The following SYN3 variants were observed in gnomAD, a reference collection of about 807,000 sequenced individuals.
SYN3 encodes the protein synapsin-3.
In SYN3, 35 loss-of-function variants were observed where a neutral mutation model predicts 65.8. The observed-to-expected ratio is 0.53, with a 90% CI of 0.41 to 0.70. The LOEUF is 0.70. SYN3 is among the 30% of genes least tolerant of loss of function. The pLI is 0.00. For synonymous variants in SYN3, 270 were observed against 292.9 expected, an observed-to-expected ratio of 0.92 and a Z score of 0.80; for missense variants, 680 against 749.0, an observed-to-expected ratio of 0.91 and a Z score of 1.08.
intron 2 of SYN3, among the ~76,000 whole-genome samples, chr22:32,992,748 C>T (rs1389566852): frequency 1.3e-5 from 2 of 152,074 alleles, no homozygotes; most frequent in Admixed American, 6.6e-5. Flanking sequence ...GGGAGGCGGA[C>T]GTTGCAGTGA....
intron 1 of SYN3, among the ~76,000 whole-genome samples, chr22:33,051,505 T>C (rs989172271): frequency 6.6e-6 from 1 of 152,116 alleles, no homozygotes; most frequent in Non-Finnish European, 1.5e-5. Flanking sequence ...ATTGGGACCC[T>C]TTCTGGACAA....
intron 6 of SYN3, among the ~76,000 whole-genome samples, chr22:32,661,384 TTGAAGGAAGTGATTCAGAAACCA>T (rs1425366820): frequency 6.6e-6 from 1 of 152,258 alleles, no homozygotes; most frequent in Non-Finnish European, 1.5e-5. Flanking sequence ...AGAGCCCCTC[TTGAAGGAAGTGATTCAGAAACCA>T]TGATGGCCTG....
chr22:33,020,061 G>A (rs1430733160), intron 1 of SYN3, among the ~76,000 whole-genome samples: 1 of 152,168 alleles, frequency 6.6e-6, no homozygotes, highest in African/African-American at 2.4e-5. Context: ...TGTTATTCCT[G>A]ACTTCAACCA....
chr22:32,588,077 C>T (rs937440043), intron 7 of SYN3, among the ~76,000 whole-genome samples: 1 of 152,138 alleles, frequency 6.6e-6, no homozygotes, highest in Non-Finnish European at 1.5e-5. Flanking sequence ...GAGAACAGTG[C>T]CTGCACAGAG....
chr22:32,689,117 G>A (rs1027788620), intron 6 of SYN3, among the ~76,000 whole-genome samples: 100 of 152,284 alleles, frequency 6.6e-4, no homozygotes, highest in African/African-American at 2.3e-3. Context: ...GGTAGTGGGG[G>A]TAGCAGGTAC....
intron 3 of SYN3, among the ~76,000 whole-genome samples, chr22:32,971,702 T>G (rs1179435461): frequency 6.6e-6 from 1 of 152,174 alleles, no homozygotes. Flanking sequence ...GTGACCTCTA[T>G]GGAAAGTAAT....
intron 6 of SYN3, chr22:32,858,274 G>C: frequency 7.9e-7 from 1 of 1,268,716 alleles, no homozygotes; most frequent in Non-Finnish European, 1.1e-6. Context: ...AGAGGGGCAG[G>C]TCTGAGCAGA....
At chr22:32,874,846 T>C (rs1389977154) in intron 4 of SYN3, among the ~76,000 whole-genome samples, 1 of 152,158 alleles carries the variant, frequency 6.6e-6, no homozygotes, top group Admixed American at 6.5e-5. Flanking sequence ...ACACTCTTCA[T>C]AACACTCCAC....
Position 32,980,788 on chromosome 22 carries a change from G to T in SYN3, c.312-86C>A. On this transcript the variant is annotated intron_variant, in intron 2 of 13. Coordinates refer to ENST00000358763, the MANE Select transcript of SYN3 (RefSeq NM_003490.4). ...CTCCCAAAGGCCTTACCCCAGAGGTGCATATTGAGACACATCCTCAGCCAT... is the reference window on the plus strand; with the variant it reads ...CTCCCAAAGGCCTTACCCCAGAGGTTCATATTGAGACACATCCTCAGCCAT... The T allele has an allele frequency of 3.4e-6, 4 of 1,188,788 alleles. No homozygotes were observed. In the Admixed American group the frequency reaches 5.1e-5, roughly 15 times the overall value. 73.6% of individuals were successfully genotyped at this position (1,188,788 alleles called of 1,614,324 possible).
chr22:32,618,667 T>C (rs1601772107), intron 6 of SYN3, among the ~76,000 whole-genome samples: 1 of 152,124 alleles, frequency 6.6e-6, no homozygotes, highest in African/African-American at 2.4e-5. Flanking sequence ...AGCTCCTAAA[T>C]CACTAACCAG....
intron 6 of SYN3, among the ~76,000 whole-genome samples, chr22:32,609,666 G>T (rs1988656590): frequency 6.6e-6 from 1 of 151,322 alleles, no homozygotes. Flanking sequence ...AAATAAAAGT[G>T]TTTTTGGAGG....
intron 6 of SYN3, among the ~76,000 whole-genome samples, chr22:32,785,153 A>AGGGGTCAGTCGGTGCAGCTCT (rs1178031166): frequency 6.6e-6 from 1 of 151,152 alleles, no homozygotes; most frequent in African/African-American, 2.4e-5. Context: ...AGGGGATGAG[A>AGGGGTCAGTCGGTGCAGCTCT]GGGGTCAGTC....
At chr22:32,781,659 G>A (rs1189510973) in intron 6 of SYN3, among the ~76,000 whole-genome samples, 2 of 150,994 alleles carry the variant, frequency 1.3e-5, no homozygotes, top group African/African-American at 4.9e-5. Context: ...TTACTTAGGT[G>A]TTTGCTAATA....
intron 6 of SYN3, among the ~76,000 whole-genome samples, chr22:32,730,172 A>G (rs1314440177): frequency 6.6e-6 from 1 of 152,234 alleles, no homozygotes; most frequent in African/African-American, 2.4e-5. Flanking sequence ...TAAGACAAAG[A>G]ATAACCATTG....
At chr22:32,553,608 C>T (rs2058448028) in intron 7 of SYN3, among the ~76,000 whole-genome samples, 3 of 133,518 alleles carry the variant, frequency 2.2e-5, no homozygotes, top group Admixed American at 2.2e-4. Context: ...ACCTAGCAGA[C>T]TCACCCATGT....
At chr22:32,814,189 GA>G in intron 6 of SYN3, among the ~76,000 whole-genome samples, 1 of 91,362 alleles carries the variant, frequency 1.1e-5, no homozygotes. Flanking sequence ...AGAAAAGAAA[GA>G]AAGAAAGAAA....
intron 4 of SYN3, among the ~76,000 whole-genome samples, chr22:32,900,350 C>T (rs1363208983): frequency 6.6e-6 from 1 of 152,230 alleles, no homozygotes; most frequent in East Asian, 1.9e-4. Context: ...GAATCCCTTA[C>T]ATCCGGGTCA....
chr22:32,704,205 T>G (rs2060849022), intron 6 of SYN3, among the ~76,000 whole-genome samples: 2 of 152,162 alleles, frequency 1.3e-5, no homozygotes, highest in Non-Finnish European at 2.9e-5. Flanking sequence ...CTTCTGATTT[T>G]TTTTCCCTCC....
chr22:32,643,348 G>A (rs1357957336), intron 6 of SYN3, among the ~76,000 whole-genome samples: 88 of 152,292 alleles, frequency 5.8e-4, no homozygotes, highest in Non-Finnish European at 7.4e-5. Context: ...AAAGTGCTGG[G>A]ATTACAGGCG....
Sources: gnomAD v4.1 joint callset for allele counts (sites outside exome capture counted in the v4.1 genomes callset) on GRCh38, gnomAD v4.1.1 for gene constraint, MANE v1.5 for transcripts, NCBI Gene and HGNC (gene_info 2026-07-23, HGNC 2026-07-21) for gene names.